ASB15: variants seen among roughly 807,000 people sequenced by gnomAD.
ASB15 encodes the protein ankyrin repeat and SOCS box protein 15.
Under a neutral mutation model 58.0 loss-of-function variants are expected in ASB15, and 54 were observed. That is an observed-to-expected ratio of 0.93 (90% CI 0.75 to 1.17). The LOEUF (loss-of-function observed/expected upper bound fraction) is 1.17, where lower values mean the gene tolerates loss of function less well. Ranked by LOEUF, ASB15 falls within the 50% of genes most tolerant of loss-of-function variation. The pLI is 0.00. For synonymous variants in ASB15, 249 were observed against 262.4 expected, an observed-to-expected ratio of 0.95 and a Z score of 0.50; for missense variants, 680 against 707.4, an observed-to-expected ratio of 0.96 and a Z score of 0.44.
chr7:123,603,642 C>T (rs1310366778), intron 1 of ASB15, among the ~76,000 whole-genome samples: 1 of 152,014 alleles, frequency 6.6e-6, no homozygotes, highest in Non-Finnish European at 1.5e-5. Context: ...ATATAGAAGG[C>T]ATGCTTATTA....
In ASB15 at chr7:123,637,647, T is replaced by A. The variant is rs1802488775; in HGVS notation, c.*666T>A. 6.6e-6 allele frequency: 1 copy of A among 151,998 alleles called. No individual in the cohort carries two copies. Among genetic ancestry groups the A allele is most frequent in the South Asian group, 2.1e-4 (1 of 4,804 alleles). 9.4% of individuals were successfully genotyped at this position (151,998 alleles called of 1,614,324 possible). ...CTCTAGCCAATCTTACAGTTATATATCTTAAGCCCTCTTCTCTTTGTTCTT... is the reference window on the plus strand; with the variant it reads ...CTCTAGCCAATCTTACAGTTATATAACTTAAGCCCTCTTCTCTTTGTTCTT... On this transcript the variant is annotated 3_prime_UTR_variant, in exon 12 of 12. Transcript: ENST00000451215.
intron 1 of ASB15, among the ~76,000 whole-genome samples, chr7:123,577,109 TAAACTG>T (rs1306044962): frequency 7.2e-5 from 11 of 152,166 alleles, no homozygotes; most frequent in Non-Finnish European, 1.6e-4. Context: ...TCCTACTTAA[TAAACTG>T]AAGTCTCTGT....
At chr7:123,611,770 G>C (rs1441048276) in intron 3 of ASB15, among the ~76,000 whole-genome samples, 1 of 151,724 alleles carries the variant, frequency 6.6e-6, no homozygotes, top group African/African-American at 2.4e-5. Flanking sequence ...TTCCAGTAAT[G>C]CTCCTTTGAC....
chr7:123,599,929 C>T (rs572195810), upstream of ASB15, among the ~76,000 whole-genome samples: 16 of 152,248 alleles, frequency 1.1e-4, no homozygotes, highest in South Asian at 2.5e-3. Context: ...AGCTAGGACT[C>T]ATTTTGTTTC....
intron 4 of ASB15, chr7:123,615,556 T>C (rs891555982): frequency 2.6e-5 from 4 of 152,196 alleles, no homozygotes; most frequent in Admixed American, 2.0e-4. Context: ...AAATTTGTTA[T>C]GGAATTCCTT....
chr7:123,570,289 G>GC (rs1381553133), intron 1 of ASB15, among the ~76,000 whole-genome samples: 1 of 151,846 alleles, frequency 6.6e-6, no homozygotes, highest in Non-Finnish European at 1.5e-5. Flanking sequence ...ACCCACCTCG[G>GC]CCCCCCAAAG....
At chr7:123,585,256 TTTG>T (rs1260540351) in intron 1 of ASB15, among the ~76,000 whole-genome samples, 1 of 151,790 alleles carries the variant, frequency 6.6e-6, no homozygotes, top group South Asian at 2.1e-4. Context: ...AATTGAAAAA[TTTG>T]TTGTTTCTTA....
intron 1 of ASB15, among the ~76,000 whole-genome samples, chr7:123,582,330 A>G (rs983082837): frequency 6.6e-6 from 1 of 151,664 alleles, no homozygotes; most frequent in African/African-American, 2.4e-5. Flanking sequence ...GAATGTTAAG[A>G]CTCCACAGAT....
intron 1 of ASB15, among the ~76,000 whole-genome samples, chr7:123,567,818 G>C (rs1441452526): frequency 6.9e-6 from 1 of 143,928 alleles, no homozygotes; most frequent in East Asian, 2.0e-4. Context: ...ACCTTGGAAA[G>C]AAAAAAAAAA....
chr7:123,578,978 G>A (rs1329529790), intron 1 of ASB15, among the ~76,000 whole-genome samples: 1 of 151,904 alleles, frequency 6.6e-6, no homozygotes, highest in Non-Finnish European at 1.5e-5. Flanking sequence ...ATAATGCTGG[G>A]GTTTGGGCTT....
Position 123,616,509 on chromosome 7 carries a change from A to C in ASB15, c.292+14A>C. The C allele has an allele frequency of 6.2e-7, 1 of 1,609,720 alleles. No homozygotes were observed. The highest frequency in any genetic ancestry group is 8.5e-7 in the Non-Finnish European group (1 of 1,177,784). On this transcript the variant is annotated intron_variant, in intron 6 of 11. Coordinates refer to ENST00000451215, the MANE Select transcript of ASB15 (RefSeq NM_001290258.2). ...TTGTTCTGGATGGTAAGAGAACATA[A>C]AACATGTTTGACCAAGCCAGAGCAA...
chr7:123,636,587 C>T (rs1393131773), intron 11 of ASB15, among the ~76,000 whole-genome samples: 1 of 152,138 alleles, frequency 6.6e-6, no homozygotes, highest in Non-Finnish European at 1.5e-5. Context: ...CTCTTCCTGG[C>T]ACAGAGACAG....
intron 3 of ASB15, among the ~76,000 whole-genome samples, chr7:123,613,025 G>A (rs1444861633): frequency 6.6e-6 from 1 of 151,840 alleles, no homozygotes; most frequent in African/African-American, 2.4e-5. Flanking sequence ...GAACATGCTT[G>A]GTGGAGCATG....
At chr7:123,623,938 A>AG (rs1801553522) in intron 7 of ASB15, among the ~76,000 whole-genome samples, 1 of 17,426 alleles carries the variant, frequency 5.7e-5, no homozygotes, top group Admixed American at 5.3e-4. Context: ...AAGAAAAGAA[A>AG]GAAAGAAAGA....
chr7:123,621,158 A>G (rs931082971), intron 7 of ASB15, among the ~76,000 whole-genome samples: 1 of 152,204 alleles, frequency 6.6e-6, no homozygotes, highest in Admixed American at 6.5e-5. Flanking sequence ...CATGCATTTC[A>G]AAGTTCCATG....
chr7:123,586,189 C>T (rs1799369715), intron 1 of ASB15, among the ~76,000 whole-genome samples: 2 of 151,808 alleles, frequency 1.3e-5, no homozygotes, highest in Admixed American at 6.6e-5. Flanking sequence ...ATTTACTTTC[C>T]TACCAAGAGT....
At chr7:123,581,414 TAA>T (rs10642389) in intron 1 of ASB15, among the ~76,000 whole-genome samples, 2,041 of 124,356 alleles carry the variant, frequency 0.016, 43 homozygotes, top group African/African-American at 0.055. Context: ...AGTGAGCACT[TAA>T]AAAAAAAAAA....
chr7:123,637,897 A>C lies in ASB15; in HGVS notation c.*916A>C, dbSNP rs1045933240. ...ATGAACTAAAAAAAAAAAAAAAAAA[A>C]AAACCTCTTTCCCGAGCTCAGTAGT... On this transcript the variant is annotated 3_prime_UTR_variant, in exon 12 of 12. Coordinates refer to ENST00000451215, the MANE Select transcript of ASB15 (RefSeq NM_001290258.2). 7 of 150,308 alleles carry C rather than the reference A, an allele frequency of 4.7e-5. No homozygotes were observed. The highest frequency in any genetic ancestry group is 1.0e-4 in the Non-Finnish European group (7 of 67,920). 9.3% of individuals were successfully genotyped at this position (150,308 alleles called of 1,614,324 possible). A position where few individuals can be genotyped will look rare whatever the true frequency, so the allele number is the denominator to read the frequency against.
chr7:123,628,869 T>G lies in ASB15; in HGVS notation c.875T>G (p.Leu292Arg). The G allele has an allele frequency of 6.6e-7, 1 of 1,515,830 alleles. No homozygotes were observed. Among genetic ancestry groups the G allele is most frequent in the Non-Finnish European group, 8.8e-7 (1 of 1,131,098 alleles). 93.9% of individuals were successfully genotyped at this position (1,515,830 alleles called of 1,614,324 possible). ...ATTTGACTTTTTTCTTTTAGTGCAC[T>G]GAAATATCTTATCCCAGTAACATCT... ...RAAYEGHYLALKYLIPVTSKN... is the reference protein window; with the variant it reads ...RAAYEGHYLARKYLIPVTSKN... The change falls in exon 10 of 12, where the codon CTG becomes CGG. Residue 292 changes from leucine to arginine, a missense_variant. Physicochemically the swap from Leu to Arg is moderately radical, Grantham distance 102 (BLOSUM62 -2). Transcript: ENST00000451215.
Sources: allele counts gnomAD v4.1 joint callset (sites outside exome capture counted in the v4.1 genomes callset), GRCh38; gene constraint gnomAD v4.1.1; transcripts MANE v1.5; gene names NCBI Gene and HGNC (gene_info 2026-07-23, HGNC 2026-07-21).